Variants in PPME1 observed in about 807,000 individuals in gnomAD.
PPME1 encodes the protein testicular secretory protein Li 39.
PPME1 carries 17 observed loss-of-function variants against 56.9 expected under a neutral mutation model. The observed-to-expected ratio is 0.30, with a 90% CI of 0.20 to 0.45. The LOEUF is 0.45. Ranked by LOEUF, PPME1 falls within the 20% of genes least tolerant of loss-of-function variation. The pLI is 1.00. For missense variants in PPME1, 357 were observed against 483.2 expected (o/e 0.74, Z 2.45); for synonymous variants, 122 against 156.2 (o/e 0.78, Z 1.63).
At position 74,211,379 on chromosome 11, in the gene PPME1, C is replaced by A. The variant is rs1219211839; in HGVS notation, c.288+6934C>A. Among the ~76,000 whole-genome samples, 4 of 151,944 alleles carry A rather than the reference C, an allele frequency of 2.6e-5. No individual in the cohort carries two copies. In the East Asian group the frequency reaches 7.7e-4, roughly 29 times the overall value. On this transcript the variant is annotated intron_variant, in intron 3 of 13. Transcript: ENST00000328257. ...AAAGAGCAATCTGGTCTTTCAGATA[C>A]CAAAACATAATCTAAAAGTCTATCA...
chr11:74,227,922 C>T (rs1858971473), intron 5 of PPME1, among the ~76,000 whole-genome samples: 1 of 151,940 alleles, frequency 6.6e-6, no homozygotes, highest in Non-Finnish European at 1.5e-5. Context: ...TGTTTCAGAC[C>T]TCTCTACCTT....
intron 1 of PPME1, among the ~76,000 whole-genome samples, chr11:74,181,939 C>T (rs1857550618): frequency 6.6e-6 from 1 of 152,232 alleles, no homozygotes; most frequent in African/African-American, 2.4e-5. Flanking sequence ...TTGAATTCCA[C>T]ATAATTTCCA....
intron 1 of PPME1, among the ~76,000 whole-genome samples, chr11:74,188,436 C>T (rs947869586): frequency 2.0e-5 from 3 of 151,942 alleles, no homozygotes; most frequent in Admixed American, 6.6e-5. Flanking sequence ...CTGCCTGCCT[C>T]GGCCTCCCAA....
chr11:74,253,475 T>C lies in PPME1; in HGVS notation c.1143-17T>C. On this transcript the variant is annotated splice_polypyrimidine_tract_variant and intron_variant, in intron 13 of 13. Transcript: ENST00000328257. ...ATAGTTACATTTGTTTTTCCTTCTC[T>C]TTCTGTTCTTCCACAGTGTGTTTCC... 1 of 1,603,582 alleles carries C rather than the reference T, an allele frequency of 6.2e-7. No homozygotes were observed.
rs117525667 is a variant in PPME1 at position 74,195,323 on chromosome 11, C to T, written c.102-8405C>T. Among the ~76,000 whole-genome samples the T allele has an allele frequency of 5.0e-3, 757 of 152,216 alleles. 5 individuals are homozygous for T. Among genetic ancestry groups the T allele is most frequent in the Non-Finnish European group, 7.6e-3 (516 of 68,008 alleles). ...TTGTTTTACCACTTGTGCATGTATA[C>T]ATTAAAAATACATTATTTAGCTTTG... On this transcript the variant is annotated intron_variant, in intron 1 of 13. Transcript: ENST00000328257.
intron 5 of PPME1, among the ~76,000 whole-genome samples, chr11:74,225,957 T>G (rs1044820065): frequency 6.6e-6 from 1 of 152,210 alleles, no homozygotes; most frequent in African/African-American, 2.4e-5. Flanking sequence ...CCACTCTGCT[T>G]TAATACGTAC....
intron 7 of PPME1, 25 bp downstream of exon 7, chr11:74,231,027 T>A: frequency 6.6e-7 from 1 of 1,508,362 alleles, no homozygotes; most frequent in Non-Finnish European, 9.1e-7. Context: ...TTTGTCGCCT[T>A]TATTTAATTA....
chr11:74,188,867 G>C (rs933245679), intron 1 of PPME1, among the ~76,000 whole-genome samples: 1 of 151,978 alleles, frequency 6.6e-6, no homozygotes, highest in African/African-American at 2.4e-5. Flanking sequence ...AAGGTAATTT[G>C]TTCTCTTTTA....
At chr11:74,245,169 A>G (rs1859473044) in intron 9 of PPME1, among the ~76,000 whole-genome samples, 1 of 152,126 alleles carries the variant, frequency 6.6e-6, no homozygotes, top group African/African-American at 2.4e-5. Flanking sequence ...GTCAGTGTCT[A>G]TGAGATTCCA....
rs1325605386 is a variant in PPME1, at chr11:74,253,603, G to A, written c.*93G>A. The A allele has an allele frequency of 7.1e-6, 10 of 1,402,572 alleles. No individual in the cohort carries two copies. The highest frequency in any genetic ancestry group is 1.4e-5 in the African/African-American group (1 of 70,326). The allele number at this position is 1,402,572 out of a possible 1,614,324, so 86.9% of individuals were successfully genotyped here. A position where few individuals can be genotyped will look rare whatever the true frequency, so the allele number is the denominator to read the frequency against. ...GATGCCACTGTCTCCTCTCCATCCC[G>A]CCCAGCCATGTGACACTGGCTCCCG... is the stretch of plus-strand genomic sequence containing the variant. On this transcript the variant is annotated 3_prime_UTR_variant, in exon 14 of 14. Transcript: ENST00000328257.
intron 11 of PPME1, chr11:74,250,316 C>T (rs1316761223): frequency 6.6e-6 from 1 of 152,340 alleles, no homozygotes; most frequent in Admixed American, 6.5e-5. Context: ...TACGAGCTTA[C>T]AGTGTTCTGT....
chr11:74,213,829 A>G (rs1391453277), intron 3 of PPME1, among the ~76,000 whole-genome samples: 2 of 152,234 alleles, frequency 1.3e-5, no homozygotes, highest in Non-Finnish European at 2.9e-5. Context: ...ACAATACCCA[A>G]GTTTCTTTGA....
intron 12 of PPME1, chr11:74,251,424 C>T (rs926386826): frequency 4.3e-6 from 6 of 1,396,294 alleles, no homozygotes; most frequent in East Asian, 5.2e-5. Context: ...AAGCCCTTCA[C>T]GTCATTCCTC....
intron 1 of PPME1, among the ~76,000 whole-genome samples, chr11:74,180,801 G>A (rs1857512863): frequency 1.3e-5 from 2 of 152,124 alleles, no homozygotes; most frequent in African/African-American, 4.8e-5. Context: ...TTATTTTATA[G>A]TATTCAATTT....
chr11:74,251,845 T>C, intron 13 of PPME1, 130 bp downstream of exon 13: 1 of 1,116,404 alleles, frequency 9.0e-7, no homozygotes, highest in South Asian at 1.2e-5. Context: ...TTCCTCCTCC[T>C]CAGTGAAGAG....
At position 74,200,359 on chromosome 11, in the gene PPME1, G is replaced by T. The variant is rs56353040; in HGVS notation, c.102-3369G>T. Among the ~76,000 whole-genome samples the T allele has an allele frequency of 1.9e-3, 6 of 3,112 alleles. No homozygotes were observed. In the Admixed American group the frequency reaches 0.03, roughly 16 times the overall value. The allele number at this position is 3,112 out of a possible 152,430, so 2.0% of individuals were successfully genotyped here. A position where few individuals can be genotyped will look rare whatever the true frequency, so the allele number is the denominator to read the frequency against. On this transcript the variant is annotated intron_variant, in intron 1 of 13. Transcript: ENST00000328257. ...TAGTTTATAAACAGTCATGTGTTTT[G>T]TGTGTGTGTGTGTGTGTGTGTGTGT...
intron 1 of PPME1, among the ~76,000 whole-genome samples, chr11:74,182,983 C>T (rs1330432676): frequency 7.1e-6 from 1 of 140,862 alleles, no homozygotes; most frequent in Non-Finnish European, 1.6e-5. Context: ...ATAGCTAGAC[C>T]TTGTCTCTAC....
chr11:74,204,971 C>T (rs894086296), intron 3 of PPME1: 11 of 152,572 alleles, frequency 7.2e-5, no homozygotes, highest in African/African-American at 2.7e-4. Context: ...CCTCTCAACT[C>T]TGTTTTAATG....
chr11:74,230,817 C>A lies in PPME1; in HGVS notation c.554-95C>A. 1.0e-6 allele frequency: 1 copy of A among 959,482 alleles called. No homozygotes were observed. Among genetic ancestry groups the A allele is most frequent in the Non-Finnish European group, 1.6e-6 (1 of 623,620 alleles). The allele number at this position is 959,482 out of a possible 1,614,324, so 59.4% of individuals were successfully genotyped here. ...TCTCTGCGAGCATCACTAAATTCTG[C>A]TGTCATCAAGAGCAGATATATAGTA... On this transcript the variant is annotated intron_variant, in intron 6 of 13. Coordinates refer to ENST00000328257, the MANE Select transcript of PPME1 (RefSeq NM_016147.3). The surrounding 1 kb of genome is among the most constrained non-coding windows in gnomAD (Gnocchi z 4.9).
Sources: allele counts gnomAD v4.1 joint callset (sites outside exome capture counted in the v4.1 genomes callset), GRCh38; gene constraint gnomAD v4.1.1; non-coding constraint Gnocchi (gnomAD v3.1); transcripts MANE v1.5; gene names NCBI Gene and HGNC (gene_info 2026-07-23, HGNC 2026-07-21).